The following UNC5C variants were observed in gnomAD, a reference collection of about 807,000 sequenced individuals.
UNC5C encodes netrin receptor UNC5C.
A neutral mutation model predicts 99.8 loss-of-function variants in UNC5C; 47 were observed. The observed-to-expected ratio is 0.47, with a 90% CI of 0.37 to 0.60. UNC5C has a LOEUF of 0.60. UNC5C is among the 20% of genes least tolerant of loss of function. UNC5C has a pLI of 0.00. For synonymous variants in UNC5C, 487 were observed against 452.2 expected, an observed-to-expected ratio of 1.08 and a Z score of -0.98; for missense variants, 1,062 against 1,165.9, an observed-to-expected ratio of 0.91 and a Z score of 1.30.
intron 1 of UNC5C, among the ~76,000 whole-genome samples, chr4:95,504,422 T>C (rs1315778191): frequency 6.6e-6 from 1 of 152,128 alleles, no homozygotes; most frequent in Non-Finnish European, 1.5e-5. Flanking sequence ...TTGACCCAAG[T>C]CTGTGGCAGA....
At chr4:95,178,771 T>TAAAG (rs1553949787) in intron 14 of UNC5C, among the ~76,000 whole-genome samples, 1 of 152,172 alleles carries the variant, frequency 6.6e-6, no homozygotes, top group Non-Finnish European at 1.5e-5. Context: ...TTCTTGTGGA[T>TAAAG]AAAGAACTCT....
chr4:95,225,406 C>T (rs919603688), intron 7 of UNC5C, among the ~76,000 whole-genome samples: 3 of 151,776 alleles, frequency 2.0e-5, no homozygotes, highest in Non-Finnish European at 4.4e-5. Context: ...ATCCTGTGAT[C>T]GAATGTCATT....
chr4:95,320,401 G>T (rs1742637058), intron 2 of UNC5C, among the ~76,000 whole-genome samples: 1 of 118,166 alleles, frequency 8.5e-6, no homozygotes, highest in Non-Finnish European at 1.7e-5. Context: ...CAGCCTGGGT[G>T]ACAAGAGAGA....
rs1735744416 is a variant in UNC5C at position 95,163,315 on chromosome 4, T to G, written c.*5919A>C. On this transcript the variant is annotated 3_prime_UTR_variant, in exon 16 of 16. Transcript: ENST00000453304. ...AGGTATTTTACACCAGCTGTAGATT[T>G]CTTGCTCTTATATGTCACTCCGAAC... 6.6e-6 allele frequency: 1 copy of G among 152,234 alleles called. No homozygotes were observed. The highest frequency in any genetic ancestry group is 1.5e-5 in the Non-Finnish European group (1 of 68,042). 9.4% of individuals were successfully genotyped at this position (152,234 alleles called of 1,614,324 possible).
intron 1 of UNC5C, among the ~76,000 whole-genome samples, chr4:95,467,811 C>A (rs1363469582): frequency 1.3e-5 from 2 of 151,988 alleles, no homozygotes; most frequent in Non-Finnish European, 2.9e-5. Flanking sequence ...CATAAACAGT[C>A]AATTAACACA....
chr4:95,441,619 A>G (rs1746952729), intron 1 of UNC5C, among the ~76,000 whole-genome samples: 1 of 152,182 alleles, frequency 6.6e-6, no homozygotes. Flanking sequence ...AGGTATAATT[A>G]CACTGTTCTG....
intron 1 of UNC5C, among the ~76,000 whole-genome samples, chr4:95,419,359 T>A (rs1285198128): frequency 1.3e-5 from 2 of 152,196 alleles, no homozygotes; most frequent in African/African-American, 4.8e-5. Flanking sequence ...AAACCTAGCA[T>A]TTTACTCCAT....
chr4:95,375,660 C>T (rs549114619), intron 1 of UNC5C, among the ~76,000 whole-genome samples: 72 of 152,216 alleles, frequency 4.7e-4, no homozygotes, highest in African/African-American at 1.3e-3. Flanking sequence ...TATCTTAAGG[C>T]GAAACGCAAT....
chr4:95,466,950 A>G (rs190226784), intron 1 of UNC5C, among the ~76,000 whole-genome samples: 207 of 152,236 alleles, frequency 1.4e-3, no homozygotes, highest in African/African-American at 4.8e-3. Flanking sequence ...AATAAAGGGT[A>G]CTGTGGCTTC....
At chr4:95,325,616 A>C (rs1215061387) in intron 2 of UNC5C, among the ~76,000 whole-genome samples, 2 of 152,196 alleles carry the variant, frequency 1.3e-5, no homozygotes, top group African/African-American at 2.4e-5. Flanking sequence ...GAGTAAGCAC[A>C]GTATACCTAA....
intron 2 of UNC5C, among the ~76,000 whole-genome samples, chr4:95,314,785 A>C (rs1013305785): frequency 3.9e-5 from 6 of 152,230 alleles, no homozygotes; most frequent in African/African-American, 1.4e-4. Flanking sequence ...CAAAAACATC[A>C]AAACATGATT....
rs193024293 is a variant in UNC5C at position 95,371,070 on chromosome 4, T to G, written c.125-35439A>C. Among the ~76,000 whole-genome samples, 135 of 152,320 alleles carry G rather than the reference T, an allele frequency of 8.9e-4. 1 individual carries two copies. Among genetic ancestry groups the G allele is most frequent in the African/African-American group, 2.8e-3 (118 of 41,580 alleles). ...TAAGAAAAGAGTAATGCCAATTACT[T>G]AGAAATTAGAAACTTCTAGTTGTTT... On this transcript the variant is annotated intron_variant, in intron 1 of 15. Coordinates refer to ENST00000453304, the MANE Select transcript of UNC5C (RefSeq NM_003728.4).
At chr4:95,189,658 A>G (rs1187853459) in intron 12 of UNC5C, among the ~76,000 whole-genome samples, 1 of 152,112 alleles carries the variant, frequency 6.6e-6, no homozygotes, top group East Asian at 1.9e-4. Context: ...GAAACAAACA[A>G]CCCCATCAAA....
intron 1 of UNC5C, among the ~76,000 whole-genome samples, chr4:95,339,871 A>G (rs2865444): frequency 0.4 from 60,521 of 151,656 alleles, 13,681 homozygotes; most frequent in East Asian, 0.84. Context: ...TGAATTCAGT[A>G]TTAACTTAAC....
At chr4:95,446,982 T>C (rs771429690) in intron 1 of UNC5C, among the ~76,000 whole-genome samples, 2 of 152,182 alleles carry the variant, frequency 1.3e-5, no homozygotes, top group African/African-American at 2.4e-5. Flanking sequence ...TATCTATTCT[T>C]AAGTTTCTTT....
At chr4:95,343,414 A>T (rs1388067064) in intron 1 of UNC5C, among the ~76,000 whole-genome samples, 2 of 152,180 alleles carry the variant, frequency 1.3e-5, no homozygotes, top group South Asian at 4.1e-4. Flanking sequence ...ATCCAAGACC[A>T]CAAGACCTCT....
chr4:95,173,148 G>A (rs375053047), intron 14 of UNC5C, among the ~76,000 whole-genome samples: 12,513 of 150,526 alleles, frequency 0.083, 1,086 homozygotes, highest in African/African-American at 0.23. Flanking sequence ...GGACTGAGAC[G>A]ATGGGGTTTT....
intron 1 of UNC5C, among the ~76,000 whole-genome samples, chr4:95,493,573 G>T (rs1721559405): frequency 6.6e-6 from 1 of 150,964 alleles, no homozygotes; most frequent in Non-Finnish European, 1.5e-5. Context: ...GGGAAAAAAT[G>T]GTACTACAAA....
At chr4:95,523,405 G>C (rs1396060527) in intron 1 of UNC5C, among the ~76,000 whole-genome samples, 1 of 151,698 alleles carries the variant, frequency 6.6e-6, no homozygotes, top group Non-Finnish European at 1.5e-5. Context: ...ATTCCTTAGA[G>C]ATTTCCCATC....
Sources: allele counts gnomAD v4.1 joint callset (sites outside exome capture counted in the v4.1 genomes callset), GRCh38; gene constraint gnomAD v4.1.1; transcripts MANE v1.5; gene names NCBI Gene and HGNC (gene_info 2026-07-23, HGNC 2026-07-21).